The following LPAR3 variants were observed in gnomAD, a reference collection of about 807,000 sequenced individuals.
The protein encoded by LPAR3 is lysophosphatidic acid receptor 3.
In LPAR3, 7 loss-of-function variants were observed where a neutral mutation model predicts 17.8. That is an observed-to-expected ratio of 0.39 (90% CI 0.22 to 0.74). LPAR3 has a LOEUF of 0.74. Ranked by LOEUF, LPAR3 falls within the 30% of genes least tolerant of loss-of-function variation. The pLI is 0.40. For synonymous variants in LPAR3, 179 were observed against 179.9 expected (o/e 0.99, Z 0.04); for missense variants, 391 against 453.4 (o/e 0.86, Z 1.25).
At position 84,845,646 on chromosome 1, in the gene LPAR3, T is replaced by A. The variant is rs545631855; in HGVS notation, c.736+19739A>T. Among the ~76,000 whole-genome samples the A allele has an allele frequency of 1.8e-4, 28 of 152,300 alleles. No individual in the cohort carries two copies. In the South Asian group the frequency reaches 5.8e-3, roughly 32 times the overall value. On this transcript the variant is annotated intron_variant, in intron 2 of 2. Coordinates refer to ENST00000370611, the MANE Select transcript of LPAR3 (RefSeq NM_012152.3). ...TCATTACCAAAACCAATTAATCTTTTTAATTACGCTCAAACCTTTTTATGC... is the reference window on the plus strand; with the variant it reads ...TCATTACCAAAACCAATTAATCTTTATAATTACGCTCAAACCTTTTTATGC...
chr1:84,827,531 C>T (rs1446880526), intron 2 of LPAR3, among the ~76,000 whole-genome samples: 1 of 152,034 alleles, frequency 6.6e-6, no homozygotes, highest in African/African-American at 2.4e-5. Context: ...CTTTTCTTGA[C>T]CAACTGTCAC....
chr1:84,835,890 T>G (rs1477483412), intron 2 of LPAR3, among the ~76,000 whole-genome samples: 2 of 151,760 alleles, frequency 1.3e-5, no homozygotes, highest in Non-Finnish European at 2.9e-5. Context: ...ATATACTACA[T>G]ACTTTCTAGA....
intron 2 of LPAR3, among the ~76,000 whole-genome samples, chr1:84,838,509 G>T (rs962735674): frequency 1.3e-5 from 2 of 152,136 alleles, no homozygotes; most frequent in African/African-American, 4.8e-5. Context: ...AAATCAGTAA[G>T]TACCATTGAC....
At chr1:84,865,258 G>T in intron 2 of LPAR3, 127 bp downstream of exon 2, 1 of 1,036,868 alleles carries the variant, frequency 9.6e-7, no homozygotes, top group Non-Finnish European at 1.4e-6. Flanking sequence ...GGTGGGTGGC[G>T]ATTTATGTCC....
chr1:84,819,623 T>A (rs922806610), intron 2 of LPAR3, among the ~76,000 whole-genome samples: 1 of 152,182 alleles, frequency 6.6e-6, no homozygotes, highest in African/African-American at 2.4e-5. Context: ...TTTTTTCAAA[T>A]GAGAAAATAA....
At chr1:84,848,497 C>A (rs1659635436) in intron 2 of LPAR3, among the ~76,000 whole-genome samples, 1 of 152,202 alleles carries the variant, frequency 6.6e-6, no homozygotes, top group Non-Finnish European at 1.5e-5. Context: ...ATTCTCCAGG[C>A]TCACCCAAAA....
intron 1 of LPAR3, among the ~76,000 whole-genome samples, chr1:84,868,446 G>A (rs547198830): frequency 2.2e-4 from 33 of 152,136 alleles, no homozygotes; most frequent in Non-Finnish European, 3.2e-4. Flanking sequence ...AGCAGCATAT[G>A]AGAGTTAAAT....
intron 1 of LPAR3, among the ~76,000 whole-genome samples, chr1:84,875,750 T>C (rs966475862): frequency 6.6e-6 from 1 of 152,214 alleles, no homozygotes; most frequent in African/African-American, 2.4e-5. Flanking sequence ...ACAGACAAAA[T>C]TTTGGTTTAA....
intron 1 of LPAR3, among the ~76,000 whole-genome samples, chr1:84,892,215 A>AAAT (rs1293971023): frequency 0.036 from 1,347 of 37,876 alleles, 26 homozygotes; most frequent in African/African-American, 0.11. Context: ...TGTGTCTCAA[A>AAAT]AATAAATAAA....
intron 1 of LPAR3, among the ~76,000 whole-genome samples, chr1:84,884,109 C>A (rs1660414621): frequency 6.6e-6 from 1 of 152,210 alleles, no homozygotes; most frequent in Non-Finnish European, 1.5e-5. Flanking sequence ...TTTTCAAAAG[C>A]AACTTCCTCT....
intron 2 of LPAR3, among the ~76,000 whole-genome samples, chr1:84,825,272 A>G (rs1659135101): frequency 6.6e-6 from 1 of 152,234 alleles, no homozygotes; most frequent in Non-Finnish European, 1.5e-5. Flanking sequence ...ACCTGACTCC[A>G]GCAAAAACTG....
chr1:84,863,615 TG>T (rs1353328779), intron 2 of LPAR3, among the ~76,000 whole-genome samples: 1 of 152,182 alleles, frequency 6.6e-6, no homozygotes, highest in Non-Finnish European at 1.5e-5. Context: ...TTCACGTTCA[TG>T]GTGAGCTCAC....
chr1:84,866,703 A>G (rs951451514), intron 1 of LPAR3, among the ~76,000 whole-genome samples: 7 of 152,130 alleles, frequency 4.6e-5, no homozygotes. Flanking sequence ...CCAAACAGAT[A>G]CCCCAAGAGA....
chr1:84,892,222 T>TA (rs900987741), intron 1 of LPAR3, among the ~76,000 whole-genome samples: 13 of 117,854 alleles, frequency 1.1e-4, no homozygotes, highest in African/African-American at 4.1e-4. Context: ...CAAAAATAAA[T>TA]AAATAAATAA....
At chr1:84,850,315 G>A (rs1476886111) in intron 2 of LPAR3, among the ~76,000 whole-genome samples, 1 of 150,568 alleles carries the variant, frequency 6.6e-6, no homozygotes, top group Admixed American at 6.6e-5. Context: ...CCAGCACTTT[G>A]GGAGGCTGAC....
intron 2 of LPAR3, among the ~76,000 whole-genome samples, chr1:84,821,800 A>ATT (rs1314726140): frequency 6.6e-6 from 1 of 152,156 alleles, no homozygotes; most frequent in African/African-American, 2.4e-5. Context: ...CCTGATGAAT[A>ATT]TTTGGATCTA....
chr1:84,870,728 C>T (rs1660144160), intron 1 of LPAR3, among the ~76,000 whole-genome samples: 1 of 152,174 alleles, frequency 6.6e-6, no homozygotes. Flanking sequence ...AAAACTGAAG[C>T]ACCCTTGCCT....
chr1:84,815,946 A>T (rs1473675720), intron 2 of LPAR3, among the ~76,000 whole-genome samples: 1 of 152,224 alleles, frequency 6.6e-6, no homozygotes, highest in African/African-American at 2.4e-5. Context: ...ATGTGAATAA[A>T]GAACTGGACT....
At chr1:84,850,967 G>A (rs916899732) in intron 2 of LPAR3, among the ~76,000 whole-genome samples, 6 of 152,238 alleles carry the variant, frequency 3.9e-5, no homozygotes, top group African/African-American at 9.6e-5. Flanking sequence ...CTGTGGGCTG[G>A]TGAGATGGTG....
Sources: gnomAD v4.1 joint callset for allele counts (sites outside exome capture counted in the v4.1 genomes callset) on GRCh38, gnomAD v4.1.1 for gene constraint, MANE v1.5 for transcripts, NCBI Gene and HGNC (gene_info 2026-07-23, HGNC 2026-07-21) for gene names.